SORCS1: variants seen among roughly 807,000 people sequenced by gnomAD.
SORCS1 encodes sortilin related VPS10 domain containing receptor 1.
SORCS1 carries 60 observed loss-of-function variants against 146.1 expected under a neutral mutation model. That is an observed-to-expected ratio of 0.41 (90% CI 0.33 to 0.51). The LOEUF (loss-of-function observed/expected upper bound fraction) is 0.51. SORCS1 is among the 20% of genes least tolerant of loss of function. SORCS1 has a pLI of 0.21. For synonymous variants in SORCS1, 637 were observed against 584.0 expected (o/e 1.09, Z -1.31); for missense variants, 1,352 against 1,487.6 (o/e 0.91, Z 1.50).
chr10:106,857,741 G>C (rs1589567202), intron 2 of SORCS1, among the ~76,000 whole-genome samples: 1 of 152,120 alleles, frequency 6.6e-6, no homozygotes, highest in Non-Finnish European at 1.5e-5. Context: ...CAGTGCAACT[G>C]ATATTTCTAT....
intron 9 of SORCS1, among the ~76,000 whole-genome samples, chr10:106,696,232 T>C (rs946413771): frequency 3.3e-5 from 5 of 152,226 alleles, no homozygotes; most frequent in Admixed American, 6.5e-5. Flanking sequence ...CCCCACCTCA[T>C]GTGTTGCTCA....
chr10:106,978,111 T>C (rs763574678), intron 1 of SORCS1, among the ~76,000 whole-genome samples: 5 of 152,114 alleles, frequency 3.3e-5, no homozygotes, highest in Non-Finnish European at 4.4e-5. Context: ...ATCCGGCTGT[T>C]GTTTTGTATT....
chr10:106,679,947 A>C (rs1031038751), intron 10 of SORCS1, among the ~76,000 whole-genome samples: 1 of 152,174 alleles, frequency 6.6e-6, no homozygotes, highest in Non-Finnish European at 1.5e-5. Context: ...CAAGTTAGTA[A>C]AGACCACCTT....
intron 6 of SORCS1, among the ~76,000 whole-genome samples, chr10:106,715,409 C>T (rs1855292872): frequency 1.3e-5 from 2 of 152,192 alleles, no homozygotes; most frequent in Non-Finnish European, 2.9e-5. Flanking sequence ...CCACCCAAAA[C>T]CTGTGCTGTT....
intron 10 of SORCS1, among the ~76,000 whole-genome samples, chr10:106,681,647 C>T (rs572236909): frequency 6.6e-6 from 1 of 152,064 alleles, no homozygotes; most frequent in Non-Finnish European, 1.5e-5. Context: ...CTACTGCTTG[C>T]GGATTATCCC....
intron 2 of SORCS1, among the ~76,000 whole-genome samples, chr10:106,923,979 T>C (rs10748928): frequency 0.52 from 79,485 of 152,050 alleles, 22,396 homozygotes; most frequent in Non-Finnish European, 0.63. Context: ...ATAATCTGGC[T>C]GGGCGCAGTG....
chr10:106,658,453 G>A (rs1001535182), intron 17 of SORCS1, among the ~76,000 whole-genome samples: 15 of 152,018 alleles, frequency 9.9e-5, no homozygotes, highest in Admixed American at 7.2e-4. Context: ...TACTGTCATT[G>A]AGCAACGGTG....
Position 107,052,811 on chromosome 10 carries a change from AGGCCCTT to A in SORCS1, c.559-96238_559-96232del, listed in dbSNP as rs1439697479. Among the ~76,000 whole-genome samples, 16 of 152,226 alleles carry A rather than the reference AGGCCCTT, an allele frequency of 1.1e-4. No individual in the cohort carries two copies. In the East Asian group the frequency reaches 2.9e-3, roughly 28 times the overall value. ...TTTGTAAATTATATTCTAGTGAAAT[AGGCCCTT>A]ATTAGAACATTAGTGATAGAAAAAG... On this transcript the variant is annotated intron_variant, in intron 1 of 25. Transcript: ENST00000263054.
intron 1 of SORCS1, among the ~76,000 whole-genome samples, chr10:106,968,059 A>G (rs931210256): frequency 2.0e-5 from 3 of 151,446 alleles, no homozygotes; most frequent in African/African-American, 7.3e-5. Context: ...AAAAAAAAAA[A>G]GTTAGCTGGG....
rs56273269 is a variant in SORCS1 at position 106,735,146 on chromosome 10, C to CAAAAA, written c.960-5037_960-5033dup. ...GGGCGACAAGAGCGAGACTCCATCT[C>CAAAAA]AAAAAAAAAAAAAAAATTCTTGACA... On this transcript the variant is annotated intron_variant, in intron 5 of 25. Transcript: ENST00000263054. Among the ~76,000 whole-genome samples the CAAAAA allele has an allele frequency of 6.1e-3, 779 of 128,492 alleles. 17 individuals carry two copies. The highest frequency in any genetic ancestry group is 8.2e-3 in the Non-Finnish European group (511 of 62,426). The allele number at this position is 128,492 out of a possible 152,430, so 84.3% of individuals were successfully genotyped here. A position where few individuals can be genotyped will look rare whatever the true frequency, so the allele number is the denominator to read the frequency against.
chr10:106,977,490 C>T (rs1956076490), intron 1 of SORCS1, among the ~76,000 whole-genome samples: 1 of 151,990 alleles, frequency 6.6e-6, no homozygotes, highest in Non-Finnish European at 1.5e-5. Flanking sequence ...GTCTGTTCAT[C>T]AGTGAACAGA....
chr10:106,946,778 T>A (rs930351558), intron 2 of SORCS1, among the ~76,000 whole-genome samples: 3 of 152,256 alleles, frequency 2.0e-5, no homozygotes, highest in Non-Finnish European at 4.4e-5. Context: ...AAGTCTGCTC[T>A]TAACTAGATT....
rs1963794166 is a variant in SORCS1, at chr10:107,086,772, G to A, written c.558+77197C>T. Among the ~76,000 whole-genome samples the A allele has an allele frequency of 2.6e-5, 4 of 152,222 alleles. No individual in the cohort carries two copies. The South Asian group carries it at 8.3e-4, about 32-fold the overall frequency. On this transcript the variant is annotated intron_variant, in intron 1 of 25. Coordinates refer to ENST00000263054, the MANE Select transcript of SORCS1 (RefSeq NM_052918.5). ...CACATGGGTTCAGTGGCTCACGCCT[G>A]TAATCCCAGCACTTTGGGAGGCCAA...
At chr10:107,012,139 A>G (rs1957721684) in intron 1 of SORCS1, among the ~76,000 whole-genome samples, 1 of 152,216 alleles carries the variant, frequency 6.6e-6, no homozygotes, top group Non-Finnish European at 1.5e-5. Context: ...CTAAGACTGA[A>G]ACAGGGACAT....
chr10:106,942,437 C>CA (rs1231671151), intron 2 of SORCS1, among the ~76,000 whole-genome samples: 3 of 152,074 alleles, frequency 2.0e-5, no homozygotes, highest in Admixed American at 1.3e-4. Flanking sequence ...CTCACTGGAA[C>CA]AAAAAAAGCA....
intron 18 of SORCS1, among the ~76,000 whole-genome samples, chr10:106,636,980 A>C (rs1848764664): frequency 6.6e-6 from 1 of 152,226 alleles, no homozygotes. Flanking sequence ...CTTTAGAGGA[A>C]TGCCAAAGTG....
intron 2 of SORCS1, among the ~76,000 whole-genome samples, chr10:106,924,051 T>C (rs1952856445): frequency 6.6e-6 from 1 of 152,114 alleles, no homozygotes; most frequent in Non-Finnish European, 1.5e-5. Context: ...GGTCGGGAGT[T>C]CGAGACCAGC....
intron 1 of SORCS1, among the ~76,000 whole-genome samples, chr10:107,094,700 A>G (rs1429742841): frequency 1.3e-5 from 2 of 152,214 alleles, no homozygotes; most frequent in Admixed American, 1.3e-4. Context: ...GTAGTTGGTA[A>G]TATCAGAGAG....
At chr10:107,099,807 G>A (rs1378309093) in intron 1 of SORCS1, among the ~76,000 whole-genome samples, 1 of 152,208 alleles carries the variant, frequency 6.6e-6, no homozygotes, top group African/African-American at 2.4e-5. Flanking sequence ...TACGTATTAA[G>A]TGCCTACTAT....
Sources: allele counts gnomAD v4.1 joint callset (sites outside exome capture counted in the v4.1 genomes callset), GRCh38; gene constraint gnomAD v4.1.1; transcripts MANE v1.5; gene names NCBI Gene and HGNC (gene_info 2026-07-23, HGNC 2026-07-21).